CREG2: variants seen among roughly 807,000 people sequenced by gnomAD.
CREG2 encodes protein CREG2.
CREG2 carries 24 observed loss-of-function variants against 26.2 expected under a neutral mutation model. That is an observed-to-expected ratio of 0.92 (90% CI 0.66 to 1.29). The LOEUF is 1.29. Ranked by LOEUF, CREG2 falls within the 50% of genes most tolerant of loss-of-function variation. The pLI is 0.00. For missense variants in CREG2, 366 were observed against 398.6 expected, an observed-to-expected ratio of 0.92 and a Z score of 0.70; for synonymous variants, 174 against 169.2, an observed-to-expected ratio of 1.03 and a Z score of -0.22.
intron 2 of CREG2, among the ~76,000 whole-genome samples, chr2:101,369,421 C>T (rs1012032920): frequency 8.5e-5 from 13 of 152,058 alleles, no homozygotes; most frequent in East Asian, 3.9e-4. Flanking sequence ...AAGCGGGGTT[C>T]GAGGTGCCCA....
intron 2 of CREG2, among the ~76,000 whole-genome samples, chr2:101,357,162 C>T (rs1684475207): frequency 6.6e-6 from 1 of 152,178 alleles, no homozygotes; most frequent in African/African-American, 2.4e-5. Flanking sequence ...GCTGGGATTA[C>T]AGGCGTGAGC....
intron 2 of CREG2, among the ~76,000 whole-genome samples, chr2:101,381,214 G>T (rs1684867930): frequency 6.6e-6 from 1 of 152,176 alleles, no homozygotes; most frequent in African/African-American, 2.4e-5. Context: ...ACCTTGCCGG[G>T]CTGTCCTTCG....
rs1004191671 is a variant in CREG2 at position 101,349,891 on chromosome 2, A to G, written c.*1032T>C. On this transcript the variant is annotated 3_prime_UTR_variant, in exon 4 of 4. Coordinates refer to ENST00000324768, the MANE Select transcript of CREG2 (RefSeq NM_153836.4). ...TAAAACTGGATGTCTTGTAGGAACC[A>G]CTCCACCTGTGTCTGCAGTGAGCTG... The G allele has an allele frequency of 2.3e-4, 35 of 152,062 alleles. No homozygotes were observed. Among genetic ancestry groups the G allele is most frequent in the African/African-American group, 8.0e-4 (33 of 41,394 alleles). The allele number at this position is 152,062 out of a possible 1,614,324, so 9.4% of individuals were successfully genotyped here.
intron 2 of CREG2, among the ~76,000 whole-genome samples, chr2:101,361,463 AGACCTGCCTG>A (rs1684538340): frequency 6.6e-6 from 1 of 152,234 alleles, no homozygotes; most frequent in African/African-American, 2.4e-5. Flanking sequence ...TGACTGAGAA[AGACCTGCCTG>A]GCCATGGCTG....
At chr2:101,359,375 T>C (rs1343696345) in intron 2 of CREG2, among the ~76,000 whole-genome samples, 7 of 152,188 alleles carry the variant, frequency 4.6e-5, no homozygotes, top group Non-Finnish European at 7.3e-5. Context: ...CTTGAGATGT[T>C]CTTCCTTTAC....
chr2:101,374,239 A>G (rs1684755077), intron 2 of CREG2, among the ~76,000 whole-genome samples: 1 of 152,212 alleles, frequency 6.6e-6, no homozygotes, highest in South Asian at 2.1e-4. Context: ...TTAGCCAGGC[A>G]TGGTGGCGCC....
At position 101,357,269 on chromosome 2, in the gene CREG2, C is replaced by T. The variant is rs1027891351; in HGVS notation, c.612-1903G>A. Among the ~76,000 whole-genome samples the T allele has an allele frequency of 9.9e-5, 15 of 152,140 alleles. 1 individual carries two copies. In the East Asian group the frequency reaches 1.2e-3, roughly 12 times the overall value. ...AACTCCTGACCTCAGGTAACCCACCCGCCTCAGCCTCCCAAAATGCTGGGA... is the reference window on the plus strand; with the variant it reads ...AACTCCTGACCTCAGGTAACCCACCTGCCTCAGCCTCCCAAAATGCTGGGA... On this transcript the variant is annotated intron_variant, in intron 2 of 3. Transcript: ENST00000324768.
chr2:101,355,905 G>T (rs1027033995), intron 2 of CREG2, among the ~76,000 whole-genome samples: 1 of 152,096 alleles, frequency 6.6e-6, no homozygotes, highest in Non-Finnish European at 1.5e-5. Context: ...TGATGGCTAA[G>T]TGTTAATCAG....
intron 2 of CREG2, chr2:101,382,983 A>G (rs1392574932): frequency 4.1e-6 from 4 of 985,778 alleles, no homozygotes; most frequent in African/African-American, 1.7e-5. Context: ...GCCTGCATCA[A>G]TGTTCTGTTA....
chr2:101,361,205 T>A (rs957457462), intron 2 of CREG2, among the ~76,000 whole-genome samples: 4 of 152,178 alleles, frequency 2.6e-5, no homozygotes, highest in African/African-American at 9.7e-5. Context: ...AATAGAAAAC[T>A]TTGCATTTAC....
At chr2:101,383,409 G>A in intron 2 of CREG2, 124 bp downstream of exon 2, 1 of 850,842 alleles carries the variant, frequency 1.2e-6, no homozygotes, top group Non-Finnish European at 1.8e-6. Context: ...CTGATTTCAA[G>A]GGTGAACATC....
chr2:101,387,360 A>G lies in CREG2; in HGVS notation c.98T>C (p.Val33Ala), dbSNP rs751502140. ...SALLSPAAGY[V>A]IVSSVSWAVT... ...GGCCCAAGACACGGAGCTCACGATC[A>G]CGTAGCCCGCGGCCGGGGACAGCAG... The change falls in exon 1 of 4, where the codon GTG (valine) becomes GCG (alanine). Residue 33 changes from valine (V) to alanine (A), a missense_variant. Val to Ala is a moderately conservative substitution (Grantham distance 64). Coordinates refer to ENST00000324768, the MANE Select transcript of CREG2 (RefSeq NM_153836.4). This position sits in a 1 kb window ranked among gnomAD's most constrained non-coding sequence, Gnocchi z 4.7. The G allele has an allele frequency of 2.1e-6, 3 of 1,436,470 alleles. No individual in the cohort carries two copies. The highest frequency in any genetic ancestry group is 2.8e-6 in the Non-Finnish European group (3 of 1,080,824). 89.0% of individuals were successfully genotyped at this position (1,436,470 alleles called of 1,614,324 possible). A position where few individuals can be genotyped will look rare whatever the true frequency, so the allele number is the denominator to read the frequency against.
intron 2 of CREG2, among the ~76,000 whole-genome samples, chr2:101,377,615 G>T (rs1558820529): frequency 6.6e-6 from 1 of 152,170 alleles, no homozygotes; most frequent in Non-Finnish European, 1.5e-5. Context: ...TGCCATGGAG[G>T]GAGAGGGAAA....
intron 2 of CREG2, among the ~76,000 whole-genome samples, chr2:101,373,632 A>T (rs1482805020): frequency 6.6e-6 from 1 of 152,210 alleles, no homozygotes; most frequent in Non-Finnish European, 1.5e-5. Context: ...GATGGAGGAA[A>T]AGGATAGTGC....
At chr2:101,359,381 T>G (rs2104472853) in intron 2 of CREG2, among the ~76,000 whole-genome samples, 1 of 152,324 alleles carries the variant, frequency 6.6e-6, no homozygotes, top group African/African-American at 2.4e-5. Flanking sequence ...ATGTTCTTCC[T>G]TTACCAGTCA....
At chr2:101,364,982 A>C (rs1684598800) in intron 2 of CREG2, among the ~76,000 whole-genome samples, 1 of 152,226 alleles carries the variant, frequency 6.6e-6, no homozygotes, top group African/African-American at 2.4e-5. Context: ...TTGCACAAGC[A>C]AGAAGCGTAG....
intron 2 of CREG2, among the ~76,000 whole-genome samples, chr2:101,357,784 G>A (rs1351176007): frequency 6.6e-6 from 1 of 151,772 alleles, no homozygotes; most frequent in African/African-American, 2.4e-5. Flanking sequence ...GGGCCATGGA[G>A]CTCACAGGGG....
In CREG2 at chr2:101,379,409, C is replaced by G. The variant is rs1427740995; in HGVS notation, c.611+4124G>C. Among the ~76,000 whole-genome samples the G allele has an allele frequency of 2.0e-5, 3 of 152,220 alleles. No individual in the cohort carries two copies. In the East Asian group the frequency reaches 5.8e-4, roughly 29 times the overall value. On this transcript the variant is annotated intron_variant, in intron 2 of 3. Transcript: ENST00000324768. ...TTCTCAAGATATTGGCTTCTCACGG[C>G]TGTGGTTAAGGAAATTACATCTGCT...
In CREG2 at chr2:101,371,716, G is replaced by A. The variant is rs139439510; in HGVS notation, c.611+11817C>T. 3.9e-5 allele frequency among the ~76,000 whole-genome samples: 6 copies of A among 152,286 alleles called. No homozygotes were observed. The East Asian group carries it at 5.8e-4, about 15-fold the overall frequency. On this transcript the variant is annotated intron_variant, in intron 2 of 3. Transcript: ENST00000324768. The stretch of plus-strand genomic sequence containing the variant: ...GCCCCAGCTGGCCTTAGCTCTCCCC[G>A]TGCTGCAGAGACCTCAAGGACAAAC...
Sources: allele counts gnomAD v4.1 joint callset (sites outside exome capture counted in the v4.1 genomes callset), GRCh38; gene constraint gnomAD v4.1.1; non-coding constraint Gnocchi (gnomAD v3.1); transcripts MANE v1.5; gene names NCBI Gene and HGNC (gene_info 2026-07-23, HGNC 2026-07-21).